The following OR2T11 variants were observed in gnomAD, a reference collection of about 807,000 sequenced individuals.
OR2T11 encodes the protein olfactory receptor 2T11.
In OR2T11, 14 loss-of-function variants were observed where a neutral mutation model predicts 13.5. The ratio of observed to expected loss-of-function variants is 1.04; its 90% CI spans 0.69 to 1.62. The LOEUF is 1.62. Among genes scored for constraint, OR2T11 ranks in the 40% most tolerant of loss-of-function variants. OR2T11 has a pLI of 0.00. For missense variants in OR2T11, 410 were observed against 389.7 expected (o/e 1.05, Z -0.44); for synonymous variants, 163 against 154.6 (o/e 1.05, Z -0.40).
At position 248,627,040 on chromosome 1, in the gene OR2T11, G is replaced by A. The variant is rs1660535570; in HGVS notation, c.89C>T (p.Ala30Val). ...AAGIVFTVIL[A>V]VFLGAVTANL... is the part of the protein sequence containing the mutation. ...TGCAGTCACGGCCCCCAAGAAAACA[G>A]CAAGGATCACTGTAAATACAATCCC... The change falls in exon 2 of 2, where the codon GCT becomes GTT. Residue 30 changes from alanine (A) to valine (V), a missense_variant. Physicochemically the swap from Ala to Val is moderately conservative, Grantham distance 64 (BLOSUM62 0). Coordinates refer to ENST00000641193, the MANE Select transcript of OR2T11 (RefSeq NM_001001964.2). 2.5e-6 allele frequency: 4 copies of A among 1,570,394 alleles called. No homozygotes were observed. Among genetic ancestry groups the A allele is most frequent in the East Asian group, 4.6e-5 (2 of 43,664 alleles).
chr1:248,634,953 T>A (rs1464858356), intron 1 of OR2T11, 85 bp downstream of exon 1: 1 of 143,466 alleles, frequency 7.0e-6, no homozygotes, highest in African/African-American at 2.7e-5. Context: ...TGCTTTCTTC[T>A]ATTACAATTT....
chr1:248,626,769 G>A lies in OR2T11; in HGVS notation c.360C>T (p.Tyr120=), dbSNP rs147660934. 170 of 1,570,590 alleles carry A rather than the reference G, an allele frequency of 1.1e-4. 33 individuals carry two copies. The highest frequency in any genetic ancestry group is 1.4e-4 in the Non-Finnish European group (166 of 1,155,016). ...ATCTCAGAGGGTTACAGACAGCCAC[G>A]TAGCAGTCATAGGCCATGAGGCCCA... The part of the protein sequence containing the change: ...FLLGLMAYDC[Y]VAVCNPLRYP... Residue 120 remains tyrosine, a synonymous_variant, in exon 2 of 2, where the codon TAC becomes TAT. Transcript: ENST00000641193.
Position 248,631,114 on chromosome 1 carries a change from G to A in OR2T11, c.-144-3842C>T, listed in dbSNP as rs1038403400. On this transcript the variant is annotated intron_variant, in intron 1 of 1. Coordinates refer to ENST00000641193, the MANE Select transcript of OR2T11 (RefSeq NM_001001964.2). ...AAAAGTAGGTAGCCTTCCCAACATC[G>A]TGATTTCAGTCCAGTGAGACCGGTT... 9.1e-5 allele frequency among the ~76,000 whole-genome samples: 13 copies of A among 143,234 alleles called. 2 individuals are homozygous for A. Among genetic ancestry groups the A allele is most frequent in the African/African-American group, 2.7e-4 (10 of 36,424 alleles). 94.0% of individuals were successfully genotyped at this position (143,234 alleles called of 152,430 possible).
intron 1 of OR2T11, 95 bp downstream of exon 1, chr1:248,634,943 T>A (rs1458891309): frequency 1.4e-5 from 2 of 144,516 alleles, no homozygotes; most frequent in Admixed American, 1.4e-4. Flanking sequence ...GTAGACTTTA[T>A]GCTTTCTTCT....
chr1:248,628,415 C>T (rs1416448813), intron 1 of OR2T11, among the ~76,000 whole-genome samples: 2 of 139,710 alleles, frequency 1.4e-5, no homozygotes, highest in Non-Finnish European at 3.1e-5. Context: ...CGGGGGAGCC[C>T]GGATGCTGCA....
chr1:248,633,861 T>G (rs1333247771), intron 1 of OR2T11, among the ~76,000 whole-genome samples: 1 of 144,110 alleles, frequency 6.9e-6, no homozygotes, highest in Non-Finnish European at 1.5e-5. Flanking sequence ...TTACCTCCTG[T>G]TTGCTTCAAA....
At position 248,629,343 on chromosome 1, in the gene OR2T11, T is replaced by G. The variant is rs757304318; in HGVS notation, c.-144-2071A>C. Among the ~76,000 whole-genome samples the G allele has an allele frequency of 2.8e-5, 4 of 142,798 alleles. 1 individual carries two copies. The highest frequency in any genetic ancestry group is 1.1e-4 in the African/African-American group (4 of 36,114). The allele number at this position is 142,798 out of a possible 152,430, so 93.7% of individuals were successfully genotyped here. On this transcript the variant is annotated intron_variant, in intron 1 of 1. Transcript: ENST00000641193. Reference sequence around the variant, plus strand: ...AGGAGTTTGAGGTTACAGAGAGCTATGATTGTGCCACTGCACTCCAGCCTG... The same window carrying G: ...AGGAGTTTGAGGTTACAGAGAGCTAGGATTGTGCCACTGCACTCCAGCCTG...
chr1:248,632,319 C>G lies in OR2T11; in HGVS notation c.-145+2719G>C, dbSNP rs1474498883. 1.4e-5 allele frequency among the ~76,000 whole-genome samples: 2 copies of G among 141,492 alleles called. 1 individual carries two copies. Among genetic ancestry groups the G allele is most frequent in the Admixed American group, 1.4e-4 (2 of 14,540 alleles). 92.8% of individuals were successfully genotyped at this position (141,492 alleles called of 152,430 possible). On this transcript the variant is annotated intron_variant, in intron 1 of 1. Transcript: ENST00000641193. ...TAATTGTCCTCGTATCCTATATTTT[C>G]CTAGGTACTGAAGACCTCTAATGGA...
chr1:248,627,057 T>A lies in OR2T11; in HGVS notation c.72A>T (p.Val24=), dbSNP rs2103101490. The A allele has an allele frequency of 6.4e-7, 1 of 1,570,236 alleles. No homozygotes were observed. The highest frequency in any genetic ancestry group is 1.7e-5 in the Admixed American group (1 of 58,210). The stretch of plus-strand genomic sequence containing the variant: ...AGAAAACAGCAAGGATCACTGTAAA[T>A]ACAATCCCGGCAGCCTCACTGTTCA... ...LLVNSEAAGI[V]FTVILAVFLG... The change falls in exon 2 of 2, where the codon GTA becomes GTT. Residue 24 remains valine (V), a synonymous_variant. Transcript: ENST00000641193.
At chr1:248,632,641 C>T (rs71642464) in intron 1 of OR2T11, among the ~76,000 whole-genome samples, 10,059 of 111,640 alleles carry the variant, frequency 0.09, 1,511 homozygotes, top group East Asian at 0.25. Context: ...GCCAATCAAG[C>T]GGTCTTTTCA....
chr1:248,630,885 A>G (rs1660601602), intron 1 of OR2T11, among the ~76,000 whole-genome samples: 1 of 143,224 alleles, frequency 7.0e-6, no homozygotes, highest in Admixed American at 6.8e-5. Context: ...CTTCTGAATT[A>G]TGCTGTTGGA....
chr1:248,632,403 ATGG>A (rs1231291132), intron 1 of OR2T11, among the ~76,000 whole-genome samples: 1 of 137,018 alleles, frequency 7.3e-6, no homozygotes, highest in African/African-American at 2.9e-5. Context: ...TTATATTCTT[ATGG>A]TGATGTTTAC....
At position 248,630,114 on chromosome 1, in the gene OR2T11, TTTTA is replaced by T. The variant is rs1423555229; in HGVS notation, c.-144-2846_-144-2843del. ...ATTCAGCTAGCAAAAATGCAAATTA[TTTTA>T]TGCTTTTTAAGGAATACCTCTAGAA... On this transcript the variant is annotated intron_variant, in intron 1 of 1. Transcript: ENST00000641193. Among the ~76,000 whole-genome samples the T allele has an allele frequency of 1.0e-4, 15 of 142,894 alleles. 2 individuals are homozygous for T. In the East Asian group the frequency reaches 2.6e-3, roughly 25 times the overall value. The allele number at this position is 142,894 out of a possible 152,430, so 93.7% of individuals were successfully genotyped here. A position where few individuals can be genotyped will look rare whatever the true frequency, so the allele number is the denominator to read the frequency against.
At chr1:248,627,920 T>TCTGCA in intron 1 of OR2T11, among the ~76,000 whole-genome samples, 1 of 142,872 alleles carries the variant, frequency 7.0e-6, no homozygotes, top group Admixed American at 6.8e-5. Context: ...TTTCTTCAGA[T>TCTGCA]AAATTAGAAG....
At chr1:248,627,867 C>T (rs1352896510) in intron 1 of OR2T11, among the ~76,000 whole-genome samples, 1 of 143,406 alleles carries the variant, frequency 7.0e-6, no homozygotes, top group East Asian at 2.0e-4. Flanking sequence ...AGTTGGGACT[C>T]CTCACTGTTC....
intron 1 of OR2T11, among the ~76,000 whole-genome samples, chr1:248,631,274 G>T (rs1178249582): frequency 7.0e-6 from 1 of 143,540 alleles, no homozygotes; most frequent in Non-Finnish European, 1.5e-5. Flanking sequence ...TTGCAATAAT[G>T]AATTGGCCAG....
At chr1:248,631,166 T>TA (rs1169450681) in intron 1 of OR2T11, among the ~76,000 whole-genome samples, 1 of 143,556 alleles carries the variant, frequency 7.0e-6, no homozygotes, top group African/African-American at 2.7e-5. Context: ...CAGGCTGTGA[T>TA]ATTATGAACT....
Position 248,626,228 on chromosome 1 carries a change from C to T in OR2T11, c.901G>A (p.Val301Ile), listed in dbSNP as rs568156246. The T allele has an allele frequency of 1.3e-6, 2 of 1,566,766 alleles. No individual in the cohort carries two copies. The highest frequency in any genetic ancestry group is 1.7e-6 in the Non-Finnish European group (2 of 1,150,658). ...NKDVIGAFKKVFACCSSAQKV... is the reference protein window; with the variant it reads ...NKDVIGAFKKIFACCSSAQKV... ...TGAGCAGATGAGCAACATGCAAATA[C>T]CTTTTTAAATGCCCCTATGACGTCC... is the stretch of plus-strand genomic sequence containing the variant. Residue 301 changes from valine to isoleucine, a missense_variant, in exon 2 of 2, where the codon GTA becomes ATA. Val to Ile is a conservative substitution (Grantham distance 29). Transcript: ENST00000641193.
chr1:248,625,688 A>C lies in OR2T11; in HGVS notation c.*490T>G, dbSNP rs11485819. On this transcript the variant is annotated 3_prime_UTR_variant, in exon 2 of 2. Transcript: ENST00000641193. ...AGATTCAACGATAATATTAGAGCTT[A>C]TAGTTACTTGGGGTTAATACTAAAA... 0.82 allele frequency: 119,052 copies of C among 145,076 alleles called. 53,029 individuals are homozygous for C. The highest frequency in any genetic ancestry group is 0.94 in the South Asian group (4,454 of 4,714). The allele number at this position is 145,076 out of a possible 1,614,324, so 9.0% of individuals were successfully genotyped here. A position where few individuals can be genotyped will look rare whatever the true frequency, so the allele number is the denominator to read the frequency against.
Sources: allele counts gnomAD v4.1 joint callset (sites outside exome capture counted in the v4.1 genomes callset), GRCh38; gene constraint gnomAD v4.1.1; transcripts MANE v1.5; gene names NCBI Gene and HGNC (gene_info 2026-07-23, HGNC 2026-07-21).